The following TPRG1 variants were observed in gnomAD, a reference collection of about 807,000 sequenced individuals.
The protein encoded by TPRG1 is tumor protein p63 regulated 1, also known as tumor protein p63-regulated gene 1 protein.
Under a neutral mutation model 29.3 loss-of-function variants are expected in TPRG1, and 29 were observed. The observed-to-expected ratio is 0.99, with a 90% CI of 0.74 to 1.35. The LOEUF (loss-of-function observed/expected upper bound fraction) is 1.35. TPRG1 is among the 40% of genes most tolerant of loss of function. TPRG1 has a pLI of 0.00. For missense variants in TPRG1, 327 were observed against 335.0 expected, an observed-to-expected ratio of 0.98 and a Z score of 0.19; for synonymous variants, 130 against 116.8, an observed-to-expected ratio of 1.11 and a Z score of -0.73.
chr3:189,308,920 G>A (rs1379172079), intron 4 of TPRG1, among the ~76,000 whole-genome samples: 1 of 151,912 alleles, frequency 6.6e-6, no homozygotes, highest in Admixed American at 6.6e-5. Context: ...AAGAGCTGGG[G>A]GATAATAAAT....
intron 2 of TPRG1, among the ~76,000 whole-genome samples, chr3:189,128,398 T>C (rs972629002): frequency 2.0e-5 from 3 of 151,990 alleles, no homozygotes; most frequent in African/African-American, 7.2e-5. Flanking sequence ...GAAATAAAAA[T>C]ACAGGGCATC....
At chr3:189,303,219 T>C (rs1721107054) in intron 4 of TPRG1, among the ~76,000 whole-genome samples, 1 of 152,194 alleles carries the variant, frequency 6.6e-6, no homozygotes, top group Non-Finnish European at 1.5e-5. Flanking sequence ...GGGTGTTTTT[T>C]TGGATAACTT....
intron 3 of TPRG1, among the ~76,000 whole-genome samples, chr3:189,144,269 C>T (rs1724956934): frequency 6.6e-6 from 1 of 152,110 alleles, no homozygotes; most frequent in South Asian, 2.1e-4. Context: ...GCTTTGTTTC[C>T]TATAAGTGGA....
intron 5 of TPRG1, among the ~76,000 whole-genome samples, chr3:189,163,272 T>G (rs2108636965): frequency 6.6e-6 from 1 of 152,318 alleles, no homozygotes; most frequent in South Asian, 2.1e-4. Context: ...AAACTCCGTC[T>G]CAAAAAACGA....
At chr3:189,223,662 G>A (rs1476239930) in intron 3 of TPRG1, among the ~76,000 whole-genome samples, 4 of 152,148 alleles carry the variant, frequency 2.6e-5, no homozygotes, top group African/African-American at 9.7e-5. Context: ...CTAATGCAGC[G>A]AAATGCCTAG....
At chr3:189,277,450 A>G (rs1034989100) in intron 4 of TPRG1, among the ~76,000 whole-genome samples, 1 of 152,224 alleles carries the variant, frequency 6.6e-6, no homozygotes, top group East Asian at 1.9e-4. Flanking sequence ...CAATAAGATT[A>G]AGAATCAGAA....
chr3:189,120,491 A>C (rs891137608), intron 1 of TPRG1: 1 of 152,220 alleles, frequency 6.6e-6, no homozygotes, highest in African/African-American at 2.4e-5. Flanking sequence ...GGAAAGGAAA[A>C]AATATGTGAA....
chr3:189,272,440 T>C lies in TPRG1; in HGVS notation c.479+33531T>C, dbSNP rs527690159. 1.2e-4 allele frequency among the ~76,000 whole-genome samples: 19 copies of C among 152,298 alleles called. No homozygotes were observed. In the South Asian group the frequency reaches 3.3e-3, roughly 27 times the overall value. On this transcript the variant is annotated intron_variant, in intron 4 of 5. Transcript: ENST00000345063. ...TAAGTTTCTGATGAGCTTTCAGATTTAATTTGTGTGTATTTTTTTTTCCTA... is the reference window on the plus strand; with the variant it reads ...TAAGTTTCTGATGAGCTTTCAGATTCAATTTGTGTGTATTTTTTTTTCCTA...
intron 1 of TPRG1, among the ~76,000 whole-genome samples, chr3:189,198,177 T>C (rs762973550): frequency 3.3e-5 from 5 of 152,210 alleles, no homozygotes; most frequent in African/African-American, 7.2e-5. Context: ...CTGCCACTTT[T>C]GGAACACACT....
intron 4 of TPRG1, among the ~76,000 whole-genome samples, chr3:189,245,724 C>T (rs965214243): frequency 2.0e-5 from 3 of 151,956 alleles, no homozygotes; most frequent in African/African-American, 7.2e-5. Context: ...TATATTTTTA[C>T]TGATTTTTTG....
At chr3:189,160,298 G>A (rs1429617887) in intron 5 of TPRG1, among the ~76,000 whole-genome samples, 1 of 152,122 alleles carries the variant, frequency 6.6e-6, no homozygotes, top group African/African-American at 2.4e-5. Context: ...ATGGCAGTGA[G>A]GAGGGAAGAA....
chr3:189,079,794 T>C (rs556579890), intron 4 of TPRG1, among the ~76,000 whole-genome samples: 81 of 151,560 alleles, frequency 5.3e-4, no homozygotes, highest in African/African-American at 1.7e-3. Flanking sequence ...AGCACATGTT[T>C]AAGATCTCAT....
chr3:189,309,716 C>A (rs906944774), intron 4 of TPRG1, among the ~76,000 whole-genome samples: 2 of 152,166 alleles, frequency 1.3e-5, no homozygotes, highest in Non-Finnish European at 2.9e-5. Context: ...AATGACCAGG[C>A]CTGGGCTATG....
intron 4 of TPRG1, among the ~76,000 whole-genome samples, chr3:189,259,437 G>T (rs1032159066): frequency 6.5e-5 from 9 of 139,494 alleles, no homozygotes; most frequent in African/African-American, 1.9e-4. Context: ...AGCTATTCCT[G>T]TTCAGCCATC....
At chr3:189,162,659 G>A (rs558581084) in intron 5 of TPRG1, among the ~76,000 whole-genome samples, 3 of 152,230 alleles carry the variant, frequency 2.0e-5, no homozygotes, top group African/African-American at 7.2e-5. Flanking sequence ...AGCATTTCAT[G>A]TTCCAAATCA....
chr3:189,041,946 A>G (rs928491296), intron 4 of TPRG1, among the ~76,000 whole-genome samples: 2 of 152,026 alleles, frequency 1.3e-5, no homozygotes, highest in African/African-American at 4.8e-5. Context: ...CTTGAGCCTC[A>G]CCCAATAATT....
chr3:189,307,981 T>C (rs1291955678), intron 4 of TPRG1, among the ~76,000 whole-genome samples: 5 of 152,166 alleles, frequency 3.3e-5, no homozygotes, highest in Admixed American at 2.6e-4. Flanking sequence ...TAGATGCTTC[T>C]GAACTAGAGA....
At chr3:189,105,794 G>A (rs181806966) in intron 1 of TPRG1, among the ~76,000 whole-genome samples, 1 of 152,258 alleles carries the variant, frequency 6.6e-6, no homozygotes, top group East Asian at 1.9e-4. Flanking sequence ...AGTATATAGA[G>A]ATTAGAAGCT....
intron 4 of TPRG1, among the ~76,000 whole-genome samples, chr3:189,068,114 G>A (rs557217811): frequency 3.9e-5 from 6 of 152,228 alleles, no homozygotes; most frequent in African/African-American, 9.6e-5. Flanking sequence ...CAAAACCACC[G>A]TGAGATATCA....
Sources: gnomAD v4.1 joint callset for allele counts (sites outside exome capture counted in the v4.1 genomes callset) on GRCh38, gnomAD v4.1.1 for gene constraint, MANE v1.5 for transcripts, NCBI Gene and HGNC (gene_info 2026-07-23, HGNC 2026-07-21) for gene names.